The following RBFOX2 variants were observed in gnomAD, a reference collection of about 807,000 sequenced individuals.
RBFOX2 encodes the protein RNA binding protein fox-1 homolog 2.
RBFOX2 carries 10 observed loss-of-function variants against 49.1 expected under a neutral mutation model. The observed-to-expected ratio is 0.20, with a 90% CI of 0.13 to 0.35. The LOEUF is 0.35. Ranked by LOEUF, RBFOX2 falls within the 10% of genes least tolerant of loss-of-function variation. The probability of loss-of-function intolerance (pLI) is 1.00; values close to 1 mark genes in which losing one functional copy is unlikely to be tolerated. For synonymous variants in RBFOX2, 183 were observed against 187.4 expected (o/e 0.98, Z 0.19); for missense variants, 323 against 486.9 (o/e 0.66, Z 3.17).
At position 35,924,190 on chromosome 22, in the gene RBFOX2, CCT is replaced by C. The variant is rs557408786; in HGVS notation, c.-34+14655_-34+14656del. 2.6e-3 allele frequency among the ~76,000 whole-genome samples: 401 copies of C among 152,296 alleles called. 3 individuals carry two copies. Among genetic ancestry groups the C allele is most frequent in the Middle Eastern group, 0.02 (6 of 294 alleles). On this transcript the variant is annotated intron_variant, in intron 1 of 13. Transcript: ENST00000359369. ...TAGCCCTCTTTTCATTAGGACACCC[CCT>C]GTCCCATGCCGAGACGTGTGTTACT...
chr22:35,822,603 G>A (rs764447767), intron 1 of RBFOX2, among the ~76,000 whole-genome samples: 6 of 152,102 alleles, frequency 3.9e-5, no homozygotes, highest in Non-Finnish European at 8.8e-5. Flanking sequence ...ATTCTAATGG[G>A]AACTCAGTAT....
At chr22:35,848,443 A>C (rs1277736320) in intron 1 of RBFOX2, among the ~76,000 whole-genome samples, 1 of 152,226 alleles carries the variant, frequency 6.6e-6, no homozygotes, top group African/African-American at 2.4e-5. Context: ...GAATATAGTT[A>C]AAGAGAAACA....
chr22:35,946,911 G>T (rs2054335892), intron 1 of RBFOX2, among the ~76,000 whole-genome samples: 1 of 152,198 alleles, frequency 6.6e-6, no homozygotes, highest in Non-Finnish European at 1.5e-5. Context: ...AACGAAGCTG[G>T]TCAAGCACAG....
intron 1 of RBFOX2, among the ~76,000 whole-genome samples, chr22:35,848,025 A>T (rs2041441337): frequency 6.6e-6 from 1 of 152,160 alleles, no homozygotes; most frequent in Non-Finnish European, 1.5e-5. Context: ...TACTGTAATT[A>T]TTTTTTCATA....
intron 1 of RBFOX2, chr22:35,961,556 C>G (rs1385385508): frequency 7.7e-7 from 1 of 1,304,146 alleles, no homozygotes; most frequent in Admixed American, 2.3e-5. Flanking sequence ...CCCAACTCCC[C>G]ACCAACCTCA....
intron 1 of RBFOX2, among the ~76,000 whole-genome samples, chr22:35,916,929 AT>A (rs2050492554): frequency 6.6e-6 from 1 of 152,048 alleles, no homozygotes; most frequent in South Asian, 2.1e-4. Flanking sequence ...GCATATGTGC[AT>A]TAGCACAATA....
intron 1 of RBFOX2, among the ~76,000 whole-genome samples, chr22:35,988,906 A>C (rs1308224538): frequency 6.6e-6 from 1 of 152,218 alleles, no homozygotes; most frequent in African/African-American, 2.4e-5. Context: ...ATTCCAGATA[A>C]GGGCTGGGCA....
intron 6 of RBFOX2, among the ~76,000 whole-genome samples, chr22:35,761,970 C>T (rs117100368): frequency 6.6e-6 from 1 of 152,206 alleles, no homozygotes; most frequent in Non-Finnish European, 1.5e-5. Context: ...GCTGGTATTC[C>T]AGGTAAACTG....
At position 35,987,064 on chromosome 22, in the gene RBFOX2, C is replaced by G. The variant is rs73415752; in HGVS notation, c.186+41176G>C. On this transcript the variant is annotated intron_variant, in intron 1 of 13. Coordinates refer to the RBFOX2 transcript ENST00000438146. ...CTTTATGATAGGTTTGGTGTTTTAT[C>G]TTCCATTTTTGTTTTTTAGTGACAA... Among the ~76,000 whole-genome samples, 229 of 151,176 alleles carry G rather than the reference C, an allele frequency of 1.5e-3. 3 individuals carry two copies. Among genetic ancestry groups the G allele is most frequent in the African/African-American group, 5.4e-3 (222 of 41,126 alleles).
intron 1 of RBFOX2, among the ~76,000 whole-genome samples, chr22:35,969,162 C>T (rs989947173): frequency 6.6e-6 from 1 of 152,176 alleles, no homozygotes; most frequent in Non-Finnish European, 1.5e-5. Flanking sequence ...AAAAGAGGTA[C>T]CTGCCTGCCT....
At chr22:35,750,565 TA>T in intron 9 of RBFOX2, 1 of 726,640 alleles carries the variant, frequency 1.4e-6, no homozygotes, top group Non-Finnish European at 2.4e-6. Context: ...GATAGCTGGA[TA>T]AATTTGGCTT....
chr22:35,858,833 A>G (rs2042814021), intron 1 of RBFOX2, among the ~76,000 whole-genome samples: 1 of 151,858 alleles, frequency 6.6e-6, no homozygotes, highest in Non-Finnish European at 1.5e-5. Flanking sequence ...TCTCAAAAAA[A>G]AAAAAAAAAA....
chr22:35,942,698 G>C (rs1404840060), upstream of RBFOX2, among the ~76,000 whole-genome samples: 1 of 150,744 alleles, frequency 6.6e-6, no homozygotes, highest in African/African-American at 2.4e-5. Context: ...AGATAGCCTG[G>C]GCAGCACAGC....
chr22:35,795,629 A>C (rs1217642756), intron 2 of RBFOX2, among the ~76,000 whole-genome samples: 2 of 90,336 alleles, frequency 2.2e-5, no homozygotes, highest in African/African-American at 8.4e-5. Context: ...GTAGAAAAGC[A>C]AAAAAAAAAA....
At chr22:35,838,295 A>G (rs4821445) in intron 1 of RBFOX2, among the ~76,000 whole-genome samples, 2 of 151,472 alleles carry the variant, frequency 1.3e-5, no homozygotes, top group African/African-American at 4.9e-5. Context: ...CAGCTAAAAC[A>G]GCGGAAGAGG....
intron 1 of RBFOX2, among the ~76,000 whole-genome samples, chr22:35,896,635 C>T (rs1183949571): frequency 2.0e-5 from 3 of 152,166 alleles, no homozygotes; most frequent in Non-Finnish European, 4.4e-5. Flanking sequence ...ATCACTTTTC[C>T]TTTTCTTTCA....
At chr22:35,744,081 T>C in exon 12 of RBFOX2, 1 of 822,252 alleles carries the variant, frequency 1.2e-6, no homozygotes, top group Non-Finnish European at 1.7e-6. Flanking sequence ...TTTTGTGTTT[T>C]TTTTTGTTTG....
chr22:35,791,385 C>CA (rs5845238), intron 2 of RBFOX2, among the ~76,000 whole-genome samples: 34,558 of 129,768 alleles, frequency 0.27, 4,786 homozygotes, highest in East Asian at 0.5. Flanking sequence ...AACTCTGTCT[C>CA]AAAAAAAAAA....
chr22:35,776,478 G>A (rs535621314), intron 4 of RBFOX2, among the ~76,000 whole-genome samples: 1 of 152,262 alleles, frequency 6.6e-6, no homozygotes, highest in African/African-American at 2.4e-5. Flanking sequence ...TACAAAGGAA[G>A]GGAATAATAA....
Sources: gnomAD v4.1 joint callset for allele counts (sites outside exome capture counted in the v4.1 genomes callset) on GRCh38, gnomAD v4.1.1 for gene constraint, MANE v1.5 for transcripts, NCBI Gene and HGNC (gene_info 2026-07-23, HGNC 2026-07-21) for gene names.